HDLBP: variants seen among roughly 807,000 people sequenced by gnomAD.
HDLBP encodes the protein vigilin.
A neutral mutation model predicts 137.3 loss-of-function variants in HDLBP; 30 were observed. The ratio of observed to expected loss-of-function variants is 0.22; its 90% CI spans 0.16 to 0.30. The LOEUF (loss-of-function observed/expected upper bound fraction) is 0.30, where lower values mean the gene tolerates loss of function less well. Ranked by LOEUF, HDLBP falls within the 10% of genes least tolerant of loss-of-function variation. HDLBP has a pLI of 1.00. For missense variants in HDLBP, 1,119 were observed against 1,667.3 expected (o/e 0.67, Z 5.73); for synonymous variants, 606 against 596.0 (o/e 1.02, Z -0.24).
At chr2:241,280,474 CACTA>C (rs2074553745) in intron 1 of HDLBP, among the ~76,000 whole-genome samples, 2 of 152,152 alleles carry the variant, frequency 1.3e-5, no homozygotes, top group Admixed American at 6.5e-5. Flanking sequence ...GTTCTTTCTC[CACTA>C]ACTAATTCTG....
chr2:241,281,203 A>T (rs1402001851), intron 1 of HDLBP, among the ~76,000 whole-genome samples: 1 of 152,060 alleles, frequency 6.6e-6, no homozygotes, highest in Non-Finnish European at 1.5e-5. Flanking sequence ...TAAAACACAA[A>T]ATTACTCGGG....
intron 1 of HDLBP, chr2:241,279,935 C>G (rs6718952): frequency 0.19 from 186,882 of 984,794 alleles, 18,191 homozygotes; most frequent in Middle Eastern, 0.27. Context: ...TTTGCTTTAA[C>G]TTATCACCTG....
At chr2:241,295,144 G>A (rs989008921) in intron 1 of HDLBP, among the ~76,000 whole-genome samples, 2 of 152,028 alleles carry the variant, frequency 1.3e-5, no homozygotes, top group South Asian at 2.1e-4. Context: ...GCTGACCGAC[G>A]ACCATTTCAA....
At chr2:241,263,273 G>A (rs1209043129) in intron 4 of HDLBP, among the ~76,000 whole-genome samples, 1 of 152,254 alleles carries the variant, frequency 6.6e-6, no homozygotes, top group East Asian at 1.9e-4. Flanking sequence ...AGCTATCCAT[G>A]TTAAGAGGTG....
Position 241,240,184 on chromosome 2 carries a change from A to T in HDLBP, c.2170-62T>A. On this transcript the variant is annotated intron_variant, in intron 17 of 27. Transcript: ENST00000310931. The surrounding 1 kb of genome is among the most constrained non-coding windows in gnomAD (Gnocchi z 5.5). ...ACGTGCCTGGACCACAGTGAGGAAG[A>T]CAAGAGGGTCTGTAGGACAGCAAGC... 6.6e-7 allele frequency: 1 copy of T among 1,520,844 alleles called. No individual in the cohort carries two copies. The highest frequency in any genetic ancestry group is 1.4e-5 in the African/African-American group (1 of 73,132). 94.2% of individuals were successfully genotyped at this position (1,520,844 alleles called of 1,614,324 possible).
intron 21 of HDLBP, chr2:241,236,042 C>G (rs1479357190): frequency 1.0e-5 from 2 of 192,436 alleles, no homozygotes. Context: ...CGCTGCTCAC[C>G]TTCCCTGCCC....
chr2:241,235,565 C>T lies in HDLBP; in HGVS notation c.2934G>A (p.Glu978=), dbSNP rs2070305266. Residue 978 remains glutamate, a synonymous_variant, in exon 22 of 28, where the codon GAG becomes GAA. Coordinates refer to ENST00000310931, the MANE Select transcript of HDLBP (RefSeq NM_005336.6). The stretch of plus-strand genomic sequence containing the variant: ...CGTAACGGTGAAGGTCAAAGGGCAC[C>T]TCTACTTCAATGGTGACAGGAACCA... ...EALVPVTIEV[E]VPFDLHRYVI... is the part of the protein sequence containing the mutation. 2 of 1,614,038 alleles carry T rather than the reference C, an allele frequency of 1.2e-6. No individual in the cohort carries two copies. The highest frequency in any genetic ancestry group is 1.1e-5 in the South Asian group (1 of 91,076).
At chr2:241,262,276 T>A (rs2073260102) in intron 5 of HDLBP, among the ~76,000 whole-genome samples, 6 of 152,218 alleles carry the variant, frequency 3.9e-5, no homozygotes, top group Admixed American at 3.9e-4. Context: ...TGTCTCAAAC[T>A]CTGGGACAAG....
chr2:241,246,112 G>A (rs1168198374), intron 16 of HDLBP, among the ~76,000 whole-genome samples: 2 of 152,126 alleles, frequency 1.3e-5, no homozygotes, highest in Non-Finnish European at 2.9e-5. Context: ...AACAATACAG[G>A]TGACAACACA....
intron 1 of HDLBP, among the ~76,000 whole-genome samples, chr2:241,282,407 G>A (rs2074642260): frequency 6.6e-6 from 1 of 152,178 alleles, no homozygotes; most frequent in Non-Finnish European, 1.5e-5. Flanking sequence ...TTTGGAGAGC[G>A]TACATATTTG....
chr2:241,261,888 C>T (rs1169105480), intron 5 of HDLBP, among the ~76,000 whole-genome samples: 1 of 152,202 alleles, frequency 6.6e-6, no homozygotes, highest in Non-Finnish European at 1.5e-5. Context: ...AATCACCATG[C>T]TCCAGGGTGC....
At chr2:241,291,186 A>G (rs1027761416) in intron 1 of HDLBP, among the ~76,000 whole-genome samples, 1 of 152,252 alleles carries the variant, frequency 6.6e-6, no homozygotes, top group Non-Finnish European at 1.5e-5. Context: ...GCGAGTTAAT[A>G]TCATTAAGAA....
chr2:241,312,005 G>A (rs1394868845), intron 1 of HDLBP, among the ~76,000 whole-genome samples: 1 of 152,202 alleles, frequency 6.6e-6, no homozygotes, highest in Admixed American at 6.5e-5. Flanking sequence ...TGGAGGCAAA[G>A]ATCAAGGAAA....
intron 1 of HDLBP, among the ~76,000 whole-genome samples, chr2:241,303,887 C>A (rs2075475501): frequency 6.6e-6 from 1 of 152,220 alleles, no homozygotes; most frequent in South Asian, 2.1e-4. Context: ...CAGCTCACTG[C>A]AGCCTCGACC....
intron 1 of HDLBP, among the ~76,000 whole-genome samples, chr2:241,296,676 T>C (rs1282873142): frequency 6.6e-6 from 1 of 152,180 alleles, no homozygotes; most frequent in African/African-American, 2.4e-5. Context: ...GCAGCCTTTA[T>C]GAGATCCGCA....
chr2:241,229,535 G>T lies in HDLBP; in HGVS notation c.*66C>A. 1 of 1,208,810 alleles carries T rather than the reference G, an allele frequency of 8.3e-7. No homozygotes were observed. Among genetic ancestry groups the T allele is most frequent in the Non-Finnish European group, 1.2e-6 (1 of 822,572 alleles). 74.9% of individuals were successfully genotyped at this position (1,208,810 alleles called of 1,614,324 possible). A position where few individuals can be genotyped will look rare whatever the true frequency, so the allele number is the denominator to read the frequency against. On this transcript the variant is annotated 3_prime_UTR_variant, in exon 28 of 28. Transcript: ENST00000310931. ...GAGGGTCCAGCCGCTGGGTCAGATT[G>T]AGACAAACCATTGTGTGGTTGGGTT...
At chr2:241,299,134 A>G (rs1393848438) in intron 1 of HDLBP, among the ~76,000 whole-genome samples, 2 of 152,204 alleles carry the variant, frequency 1.3e-5, no homozygotes, top group Admixed American at 1.3e-4. Context: ...TCAGATAAAG[A>G]GCTGTACGGT....
intron 1 of HDLBP, among the ~76,000 whole-genome samples, chr2:241,294,582 TC>T (rs906522079): frequency 3.3e-5 from 5 of 152,078 alleles, no homozygotes; most frequent in Non-Finnish European, 7.4e-5. Flanking sequence ...CACCTCAGAC[TC>T]CTAAGGCGCT....
At chr2:241,265,944 G>A (rs2073637041) in intron 3 of HDLBP, among the ~76,000 whole-genome samples, 1 of 152,208 alleles carries the variant, frequency 6.6e-6, no homozygotes, top group Admixed American at 6.5e-5. Context: ...CCAGAAATGA[G>A]CTTCTGAAAT....
Sources: allele counts gnomAD v4.1 joint callset (sites outside exome capture counted in the v4.1 genomes callset), GRCh38; gene constraint gnomAD v4.1.1; non-coding constraint Gnocchi (gnomAD v3.1); transcripts MANE v1.5; gene names NCBI Gene and HGNC (gene_info 2026-07-23, HGNC 2026-07-21).